PEPD: variants seen among roughly 807,000 people sequenced by gnomAD.
PEPD encodes the protein peptidase D, also known as xaa-Pro dipeptidase.
In PEPD, 53 loss-of-function variants were observed where a neutral mutation model predicts 60.7. That is an observed-to-expected ratio of 0.87 (90% CI 0.70 to 1.10). PEPD has a LOEUF of 1.10. Ranked by LOEUF, PEPD falls within the 50% of genes least tolerant of loss-of-function variation. The pLI is 0.00. For synonymous variants in PEPD, 267 were observed against 284.1 expected (o/e 0.94, Z 0.60); for missense variants, 711 against 711.9 (o/e 1.00, Z 0.01).
intron 1 of PEPD, among the ~76,000 whole-genome samples, chr19:33,514,105 G>C (rs1463154805): frequency 1.9e-4 from 29 of 152,186 alleles, no homozygotes; most frequent in Admixed American, 1.9e-3. Flanking sequence ...CAGCAAGCAG[G>C]CTGGAGGCCG....
intron 12 of PEPD, among the ~76,000 whole-genome samples, chr19:33,396,581 A>G (rs1968369931): frequency 6.6e-6 from 1 of 151,962 alleles, no homozygotes; most frequent in African/African-American, 2.4e-5. Context: ...AACACAAAAG[A>G]GCTCATGAAT....
At chr19:33,417,142 G>T (rs977823399) in intron 9 of PEPD, among the ~76,000 whole-genome samples, 1 of 152,222 alleles carries the variant, frequency 6.6e-6, no homozygotes, top group Non-Finnish European at 1.5e-5. Context: ...AGCAAGTGTC[G>T]GCCAAGCTAT....
chr19:33,496,875 G>A (rs1600163271), intron 4 of PEPD, among the ~76,000 whole-genome samples: 1 of 152,324 alleles, frequency 6.6e-6, no homozygotes, highest in Non-Finnish European at 1.5e-5. Flanking sequence ...CCTAACCAGG[G>A]CCCAGACCAG....
chr19:33,415,920 C>T (rs1395736906), intron 9 of PEPD, among the ~76,000 whole-genome samples: 1 of 152,232 alleles, frequency 6.6e-6, no homozygotes, highest in Non-Finnish European at 1.5e-5. Context: ...TTTTCTGACG[C>T]AACTTGAGGA....
At chr19:33,477,361 C>T (rs1000247091) in intron 7 of PEPD, 2 of 159,044 alleles carry the variant, frequency 1.3e-5, no homozygotes, top group African/African-American at 2.4e-5. Context: ...GGCTACACAT[C>T]TCCTTGGCAA....
At position 33,410,025 on chromosome 19, in the gene PEPD, G is replaced by C. The variant is rs574832883; in HGVS notation, c.818+1647C>G. Among the ~76,000 whole-genome samples, 18 of 152,352 alleles carry C rather than the reference G, an allele frequency of 1.2e-4. No individual in the cohort carries two copies. The East Asian group carries it at 3.3e-3, about 28-fold the overall frequency. On this transcript the variant is annotated intron_variant, in intron 11 of 14. Coordinates refer to ENST00000244137, the MANE Select transcript of PEPD (RefSeq NM_000285.4). ...TCCCAGCCCCGAGCACGGTGGCTAC[G>C]CAGGGGGGACTGGGGACTCGCCCAC... is the stretch of plus-strand genomic sequence containing the variant.
rs1458299974 is a variant in PEPD at position 33,417,472 on chromosome 19, C to T, written c.672-3829G>A. 3.3e-5 allele frequency among the ~76,000 whole-genome samples: 5 copies of T among 152,214 alleles called. 1 individual carries two copies. The highest frequency in any genetic ancestry group is 3.3e-4 in the Admixed American group (5 of 15,282). ...CTCTGGGCCCCACATACCCAGCCTT[C>T]TGGGACTCAACACCAACCTCAAGGG... On this transcript the variant is annotated intron_variant, in intron 9 of 14. Transcript: ENST00000244137.
At chr19:33,409,146 G>A (rs1273258936) in intron 11 of PEPD, among the ~76,000 whole-genome samples, 1 of 152,190 alleles carries the variant, frequency 6.6e-6, no homozygotes, top group Non-Finnish European at 1.5e-5. Flanking sequence ...ACCCTCTCCG[G>A]GGCAGATAAA....
Position 33,504,674 on chromosome 19 carries a change from G to A in PEPD, c.330-3673C>T, listed in dbSNP as rs144324604. On this transcript the variant is annotated intron_variant, in intron 3 of 14. Coordinates refer to ENST00000244137, the MANE Select transcript of PEPD (RefSeq NM_000285.4). ...CTCAGGAGGCTGAGGCAAGAGAATC[G>A]CTTGAGCTAGGGAGGTGGAGGTTGC... 4.7e-3 allele frequency among the ~76,000 whole-genome samples: 720 copies of A among 152,172 alleles called. 2 individuals are homozygous for A. Among genetic ancestry groups the A allele is most frequent in the Non-Finnish European group, 7.5e-3 (512 of 67,994 alleles).
intron 1 of PEPD, among the ~76,000 whole-genome samples, chr19:33,514,561 T>TG (rs1431285838): frequency 6.6e-6 from 1 of 151,808 alleles, no homozygotes; most frequent in African/African-American, 2.4e-5. Context: ...TACACCCCCC[T>TG]GCACTGTGCC....
At chr19:33,517,798 C>T (rs1971051680) in intron 1 of PEPD, among the ~76,000 whole-genome samples, 1 of 151,392 alleles carries the variant, frequency 6.6e-6, no homozygotes, top group Non-Finnish European at 1.5e-5. Flanking sequence ...AACCCCATCC[C>T]TATTAAAAAT....
At chr19:33,447,809 C>T (rs1224763992) in intron 9 of PEPD, among the ~76,000 whole-genome samples, 9 of 152,166 alleles carry the variant, frequency 5.9e-5, no homozygotes, top group African/African-American at 1.7e-4. Context: ...AGAGGAAGCA[C>T]GAAGACCCAC....
Position 33,387,977 on chromosome 19 carries a change from G to C in PEPD, c.1257C>G (p.Asp419Glu), listed in dbSNP as rs748309406. Residue 419 changes from aspartate (D) to glutamate (E), a missense_variant, in exon 14 of 15, where the codon GAC (aspartate) becomes GAG (glutamate). By Grantham distance (45) the Asp-to-Glu change is conservative (BLOSUM62 2). Coordinates refer to ENST00000244137, the MANE Select transcript of PEPD (RefSeq NM_000285.4). ...LTVEPGIYFI[D>E]HLLDEALADP... is the part of the protein sequence containing the mutation. ...CCGCCAGGGCCTCATCCAGGAGGTG[G>C]TCGATGAAGTAGATGCCCGGCTCCA... The C allele has an allele frequency of 1.3e-6, 2 of 1,593,564 alleles. No individual in the cohort carries two copies. The highest frequency in any genetic ancestry group is 3.5e-5 in the Admixed American group (2 of 57,078).
chr19:33,466,964 T>C (rs1180953961), intron 7 of PEPD, among the ~76,000 whole-genome samples: 1 of 151,858 alleles, frequency 6.6e-6, no homozygotes, highest in South Asian at 2.1e-4. Flanking sequence ...AAGACTATCC[T>C]GGCTAACACG....
rs3786897 is a variant in PEPD at position 33,402,102 on chromosome 19, A to G, written c.819-233T>C. Among the ~76,000 whole-genome samples, 67,380 of 152,022 alleles carry G rather than the reference A, an allele frequency of 0.44. 15,664 individuals carry two copies. The highest frequency in any genetic ancestry group is 0.57 in the African/African-American group (23,760 of 41,470). On this transcript the variant is annotated intron_variant, in intron 11 of 14. Transcript: ENST00000244137. ...ACCTGTGTCTTCCAGGGAAAAAGGGACTCAGGGCTCAGCCCAGGCAGGGAA... is the reference window on the plus strand; with the variant it reads ...ACCTGTGTCTTCCAGGGAAAAAGGGGCTCAGGGCTCAGCCCAGGCAGGGAA...
At chr19:33,440,770 C>A (rs1261356340) in intron 9 of PEPD, among the ~76,000 whole-genome samples, 1 of 152,220 alleles carries the variant, frequency 6.6e-6, no homozygotes, top group Non-Finnish European at 1.5e-5. Flanking sequence ...TGACTGATTT[C>A]CCCTCTAGAG....
At chr19:33,416,698 T>C (rs1248437542) in intron 9 of PEPD, among the ~76,000 whole-genome samples, 2 of 152,204 alleles carry the variant, frequency 1.3e-5, no homozygotes, top group Admixed American at 6.5e-5. Context: ...GTGGGCCCCG[T>C]TGTTTTTCCT....
chr19:33,495,296 A>T (rs1970581578), intron 4 of PEPD, among the ~76,000 whole-genome samples: 1 of 151,864 alleles, frequency 6.6e-6, no homozygotes, highest in African/African-American at 2.4e-5. Flanking sequence ...TCGCGAGGTC[A>T]GGAGTTCGAG....
At chr19:33,438,595 C>T (rs1374000055) in intron 9 of PEPD, among the ~76,000 whole-genome samples, 2 of 152,212 alleles carry the variant, frequency 1.3e-5, no homozygotes, top group African/African-American at 4.8e-5. Context: ...TGCTGGAAGC[C>T]GACAGCCCAA....
Sources: allele counts gnomAD v4.1 joint callset (sites outside exome capture counted in the v4.1 genomes callset), GRCh38; gene constraint gnomAD v4.1.1; transcripts MANE v1.5; gene names NCBI Gene and HGNC (gene_info 2026-07-23, HGNC 2026-07-21).